The following PPP1R12A variants were observed in gnomAD, a reference collection of about 807,000 sequenced individuals.
PPP1R12A encodes myosin binding subunit.
PPP1R12A carries 19 observed loss-of-function variants against 139.6 expected under a neutral mutation model. The observed-to-expected ratio is 0.14, with a 90% CI of 0.09 to 0.20. The LOEUF (loss-of-function observed/expected upper bound fraction) is 0.20, where lower values mean the gene tolerates loss of function less well. PPP1R12A is among the 10% of genes least tolerant of loss of function. The pLI is 1.00. For missense variants in PPP1R12A, 925 were observed against 1,211.5 expected (o/e 0.76, Z 3.51); for synonymous variants, 427 against 420.6 (o/e 1.02, Z -0.19).
At chr12:79,869,583 A>G (rs1206725021) in intron 2 of PPP1R12A, among the ~76,000 whole-genome samples, 3 of 152,218 alleles carry the variant, frequency 2.0e-5, no homozygotes, top group African/African-American at 7.2e-5. Flanking sequence ...GTAATGCAAC[A>G]GCAGGCAAAT....
Position 79,913,226 on chromosome 12 carries a change from A to G in PPP1R12A, c.237+21469T>C, listed in dbSNP as rs191626194. On this transcript the variant is annotated intron_variant, in intron 1 of 24. Coordinates refer to ENST00000450142, the MANE Select transcript of PPP1R12A (RefSeq NM_002480.3). ...ATATGCACACACAATCTTTTCCTTT[A>G]TGGGTAATAATCTTTTTGTGTCCTG... Among the ~76,000 whole-genome samples, 134 of 152,334 alleles carry G rather than the reference A, an allele frequency of 8.8e-4. 3 individuals carry two copies. The highest frequency in any genetic ancestry group is 3.1e-3 in the African/African-American group (127 of 41,578).
At position 79,797,378 on chromosome 12, in the gene PPP1R12A, A is replaced by T; in HGVS notation, c.2109T>A (p.Asp703Glu). 1 of 1,601,414 alleles carries T rather than the reference A, an allele frequency of 6.2e-7. No individual in the cohort carries two copies. The highest frequency in any genetic ancestry group is 8.5e-7 in the Non-Finnish European group (1 of 1,174,340). Residue 703 changes from aspartate to glutamate, a missense_variant, in exon 16 of 25, where the codon GAT becomes GAA. Transcript: ENST00000450142. ...CTATTGTTTTCTCAGCTTCTTGAAGATCAGTTAATGTCACTCCCTGCACAC... is the reference window on the plus strand; with the variant it reads ...CTATTGTTTTCTCAGCTTCTTGAAGTTCAGTTAATGTCACTCCCTGCACAC... ...RRSTQGVTLTDLQEAEKTIGR... is the reference protein window; with the variant it reads ...RRSTQGVTLTELQEAEKTIGR...
In PPP1R12A at chr12:79,824,783, G is replaced by A. The variant is rs549321556; in HGVS notation, c.793-2593C>T. Among the ~76,000 whole-genome samples the A allele has an allele frequency of 1.8e-4, 27 of 152,070 alleles. No individual in the cohort carries two copies. The South Asian group carries it at 2.9e-3, about 16-fold the overall frequency. On this transcript the variant is annotated intron_variant, in intron 5 of 24. Coordinates refer to ENST00000450142, the MANE Select transcript of PPP1R12A (RefSeq NM_002480.3). The stretch of plus-strand genomic sequence containing the variant: ...TAGTATATAAGCAGTGTCACTCAAA[G>A]CAACCAGGCAACAAATGAGGACACA...
At chr12:79,815,981 ATT>A (rs67566123) in intron 9 of PPP1R12A, among the ~76,000 whole-genome samples, 6 of 150,918 alleles carry the variant, frequency 4.0e-5, no homozygotes, top group Non-Finnish European at 8.8e-5. Flanking sequence ...AACAGCAGGG[ATT>A]TTTTTTTTTA....
intron 6 of PPP1R12A, among the ~76,000 whole-genome samples, chr12:79,821,762 A>C (rs539817273): frequency 1.2e-4 from 18 of 152,160 alleles, no homozygotes; most frequent in East Asian, 5.8e-4. Context: ...AAAAAAAAAA[A>C]AAAACTGTTT....
intron 1 of PPP1R12A, among the ~76,000 whole-genome samples, chr12:79,905,339 G>GCCCCCCC (rs57598900): frequency 1.5e-4 from 16 of 106,040 alleles, no homozygotes; most frequent in South Asian, 3.7e-4. Flanking sequence ...TTGTTTTGCC[G>GCCCCCCC]CCCCCCCCCA....
intron 2 of PPP1R12A, among the ~76,000 whole-genome samples, chr12:79,860,466 A>G (rs1028360361): frequency 6.6e-5 from 10 of 152,216 alleles, no homozygotes; most frequent in African/African-American, 2.2e-4. Context: ...GTATCTCTAC[A>G]CTCCACTAGA....
chr12:79,854,845 T>C (rs1204413034), intron 2 of PPP1R12A, among the ~76,000 whole-genome samples: 1 of 151,848 alleles, frequency 6.6e-6, no homozygotes, highest in African/African-American at 2.4e-5. Context: ...CTGATTTTTT[T>C]GTTGTTGTTG....
chr12:79,786,251 T>A, intron 22 of PPP1R12A, 123 bp downstream of exon 22: 3 of 596,032 alleles, frequency 5.0e-6, no homozygotes, highest in Non-Finnish European at 8.6e-6. Flanking sequence ...ATAAACAGCA[T>A]TATCTTCTAT....
chr12:79,790,438 AT>A (rs1217440703), intron 20 of PPP1R12A, 28 bp downstream of exon 20: 7 of 1,269,372 alleles, frequency 5.5e-6, no homozygotes, highest in South Asian at 1.6e-5. Context: ...TAAGAAAAAA[AT>A]GTCAGTTAAA....
chr12:79,841,466 CT>C (rs1307423690), intron 3 of PPP1R12A, among the ~76,000 whole-genome samples: 3 of 152,078 alleles, frequency 2.0e-5, no homozygotes, highest in African/African-American at 7.2e-5. Context: ...GATTGTCTTG[CT>C]TTTTTTATTG....
intron 1 of PPP1R12A, among the ~76,000 whole-genome samples, chr12:79,891,221 G>A (rs1288581851): frequency 2.6e-5 from 4 of 152,062 alleles, no homozygotes; most frequent in Non-Finnish European, 5.9e-5. Context: ...GGATCCTGGG[G>A]ATGATGAAGG....
intron 1 of PPP1R12A, among the ~76,000 whole-genome samples, chr12:79,891,753 C>T (rs1269878677): frequency 1.3e-5 from 2 of 152,212 alleles, no homozygotes; most frequent in East Asian, 1.9e-4. Flanking sequence ...TCCTCTCTTG[C>T]TCTCTCCTGG....
intron 1 of PPP1R12A, among the ~76,000 whole-genome samples, chr12:79,875,506 T>C (rs1305274374): frequency 6.6e-6 from 1 of 152,216 alleles, no homozygotes; most frequent in Non-Finnish European, 1.5e-5. Flanking sequence ...TTAGCTCCTA[T>C]TTCCTATCTA....
intron 5 of PPP1R12A, among the ~76,000 whole-genome samples, chr12:79,826,836 T>C (rs1876840153): frequency 6.6e-6 from 1 of 152,198 alleles, no homozygotes; most frequent in South Asian, 2.1e-4. Flanking sequence ...TGGAAACCAT[T>C]TCAATTAATA....
chr12:79,922,002 G>GCAC (rs1300114030), intron 1 of PPP1R12A, among the ~76,000 whole-genome samples: 1 of 152,182 alleles, frequency 6.6e-6, no homozygotes, highest in Admixed American at 6.5e-5. Flanking sequence ...TGTAATCCAA[G>GCAC]CACTTTGGGA....
At chr12:79,920,482 A>G (rs995680029) in intron 1 of PPP1R12A, among the ~76,000 whole-genome samples, 2 of 152,198 alleles carry the variant, frequency 1.3e-5, no homozygotes, top group Admixed American at 1.3e-4. Flanking sequence ...CCAGCAGTGC[A>G]TGAGGGTTCC....
At chr12:79,858,860 G>T (rs1880982650) in intron 2 of PPP1R12A, among the ~76,000 whole-genome samples, 1 of 152,296 alleles carries the variant, frequency 6.6e-6, no homozygotes, top group South Asian at 2.1e-4. Context: ...GCATACCTCT[G>T]TAGGCCACCA....
intron 10 of PPP1R12A, among the ~76,000 whole-genome samples, chr12:79,809,578 G>A (rs992712721): frequency 7.9e-5 from 12 of 152,022 alleles, no homozygotes; most frequent in South Asian, 4.1e-4. Flanking sequence ...TTCCTTTAAC[G>A]GAGTATAGTC....
Sources: gnomAD v4.1 joint callset for allele counts (sites outside exome capture counted in the v4.1 genomes callset) on GRCh38, gnomAD v4.1.1 for gene constraint, MANE v1.5 for transcripts, NCBI Gene and HGNC (gene_info 2026-07-23, HGNC 2026-07-21) for gene names.